Variants in RAB28 observed in about 807,000 individuals in gnomAD.
The protein encoded by RAB28 is ras-related protein Rab-28.
RAB28 carries 24 observed loss-of-function variants against 31.7 expected under a neutral mutation model. The ratio of observed to expected loss-of-function variants is 0.76; its 90% CI spans 0.55 to 1.06. The LOEUF is 1.06. Among genes scored for constraint, RAB28 ranks in the 50% least tolerant of loss-of-function variants. RAB28 has a pLI of 0.00. For missense variants in RAB28, 254 were observed against 258.5 expected, an observed-to-expected ratio of 0.98 and a Z score of 0.12; for synonymous variants, 100 against 90.4, an observed-to-expected ratio of 1.11 and a Z score of -0.60.
chr4:13,401,531 T>TA (rs1176979031), intron 4 of RAB28, among the ~76,000 whole-genome samples: 26 of 152,200 alleles, frequency 1.7e-4, no homozygotes, highest in Middle Eastern at 3.4e-3. Context: ...AAAATAATTT[T>TA]AAAAAAAATT....
In RAB28 at chr4:13,400,304, T is replaced by C. The variant is rs78795000; in HGVS notation, c.392-18710A>G. Reference sequence around the variant, plus strand: ...CTTCTCAGAAGCATATTCTTATTCTTGGATTTTTCATCTTCCCTATACATT... The same window carrying C: ...CTTCTCAGAAGCATATTCTTATTCTCGGATTTTTCATCTTCCCTATACATT... On this transcript the variant is annotated intron_variant, in intron 4 of 6. Coordinates refer to ENST00000330852, the MANE Select transcript of RAB28 (RefSeq NM_001017979.3). 5.6e-4 allele frequency among the ~76,000 whole-genome samples: 86 copies of C among 152,286 alleles called. 1 individual carries two copies. The highest frequency in any genetic ancestry group is 2.1e-3 in the African/African-American group (86 of 41,584).
chr4:13,411,015 T>A (rs1467468557), intron 4 of RAB28, among the ~76,000 whole-genome samples: 1 of 152,030 alleles, frequency 6.6e-6, no homozygotes, highest in Non-Finnish European at 1.5e-5. Flanking sequence ...ACCACAGGCA[T>A]TAATTTAAAA....
At chr4:13,385,924 C>A (rs1213769034) in intron 4 of RAB28, among the ~76,000 whole-genome samples, 1 of 151,944 alleles carries the variant, frequency 6.6e-6, no homozygotes, top group African/African-American at 2.4e-5. Flanking sequence ...TAGAAGAAAA[C>A]AAGAGAAATG....
rs1715288669 is a variant in RAB28, at chr4:13,456,159, AT to A, written c.391+4539del. On this transcript the variant is annotated intron_variant, in intron 4 of 6. Coordinates refer to ENST00000330852, the MANE Select transcript of RAB28 (RefSeq NM_001017979.3). ...TAATACACATAACAGATTCTCAAAAATGTTCAGTGAAAGAATGGCCCTACCC... is the reference window on the plus strand; with the variant it reads ...TAATACACATAACAGATTCTCAAAAAGTTCAGTGAAAGAATGGCCCTACCC... Among the ~76,000 whole-genome samples, 3 of 152,236 alleles carry A rather than the reference AT, an allele frequency of 2.0e-5. No individual in the cohort carries two copies. The South Asian group carries it at 6.2e-4, about 31-fold the overall frequency.
At chr4:13,417,595 C>T (rs866839481) in intron 4 of RAB28, among the ~76,000 whole-genome samples, 1 of 152,156 alleles carries the variant, frequency 6.6e-6, no homozygotes, top group Non-Finnish European at 1.5e-5. Context: ...CTGGTGATAT[C>T]CAAGCAAACA....
At chr4:13,411,100 G>A (rs1712417103) in intron 4 of RAB28, among the ~76,000 whole-genome samples, 1 of 151,914 alleles carries the variant, frequency 6.6e-6, no homozygotes, top group Non-Finnish European at 1.5e-5. Flanking sequence ...CTCAATGAGA[G>A]GGAAAAATAC....
At chr4:13,397,809 C>T (rs935373285) in intron 4 of RAB28, among the ~76,000 whole-genome samples, 3 of 152,130 alleles carry the variant, frequency 2.0e-5, no homozygotes, top group African/African-American at 7.2e-5. Flanking sequence ...TCTAGCAATT[C>T]TCCAGCACTT....
intron 4 of RAB28, among the ~76,000 whole-genome samples, chr4:13,433,138 G>GAAAAA (rs1159582203): frequency 2.9e-5 from 2 of 69,494 alleles, no homozygotes; most frequent in African/African-American, 4.8e-5. Context: ...GCAAATGAAA[G>GAAAAA]AAAAAAAAAA....
At chr4:13,451,469 T>C (rs548462905) in intron 4 of RAB28, among the ~76,000 whole-genome samples, 2 of 151,400 alleles carry the variant, frequency 1.3e-5, no homozygotes, top group East Asian at 3.9e-4. Flanking sequence ...CTTCTATAAT[T>C]TGGTTATTAA....
At chr4:13,408,224 G>T (rs577647366) in intron 4 of RAB28, among the ~76,000 whole-genome samples, 2 of 152,292 alleles carry the variant, frequency 1.3e-5, no homozygotes, top group South Asian at 2.1e-4. Flanking sequence ...AGCACTAAGG[G>T]TTGTTGAATT....
chr4:13,384,842 G>A (rs886453364), intron 4 of RAB28, among the ~76,000 whole-genome samples: 1 of 152,176 alleles, frequency 6.6e-6, no homozygotes, highest in Admixed American at 6.5e-5. Flanking sequence ...TACTTCTCCT[G>A]CAAGGGTTCT....
At chr4:13,456,468 A>C (rs996980814) in intron 4 of RAB28, among the ~76,000 whole-genome samples, 1 of 152,212 alleles carries the variant, frequency 6.6e-6, no homozygotes, top group African/African-American at 2.4e-5. Context: ...TATCTCATTT[A>C]ATCTTTAAAT....
At chr4:13,467,282 A>T (rs1043736205) in intron 3 of RAB28, among the ~76,000 whole-genome samples, 1 of 151,928 alleles carries the variant, frequency 6.6e-6, no homozygotes, top group Non-Finnish European at 1.5e-5. Flanking sequence ...TCTGTACTCC[A>T]TAAATATAAC....
At chr4:13,394,094 A>G (rs1184477890) in intron 4 of RAB28, among the ~76,000 whole-genome samples, 5 of 152,146 alleles carry the variant, frequency 3.3e-5, no homozygotes, top group Non-Finnish European at 5.9e-5. Flanking sequence ...CTGAAAGTGG[A>G]GGAGGCGACC....
chr4:13,370,462 T>C, intron 6 of RAB28: 6 of 766,810 alleles, frequency 7.8e-6, no homozygotes, highest in Non-Finnish European at 9.5e-6. Flanking sequence ...TATTCACAAG[T>C]TGCTGAGGCC....
rs114814117 is a variant in RAB28, at chr4:13,378,578, T to C, written c.496-1956A>G. On this transcript the variant is annotated intron_variant, in intron 5 of 6. Coordinates refer to ENST00000330852, the MANE Select transcript of RAB28 (RefSeq NM_001017979.3). ...TTTTAAGATAAAAGAAGTCATAATA[T>C]TTTCTGTGTTGAAAGAATAATCCAG... 1.1e-3 allele frequency among the ~76,000 whole-genome samples: 171 copies of C among 152,280 alleles called. 1 individual carries two copies. Among genetic ancestry groups the C allele is most frequent in the African/African-American group, 4.1e-3 (169 of 41,556 alleles).
chr4:13,438,857 GCCAAGTTGTTTT>G (rs2108938869), intron 4 of RAB28, among the ~76,000 whole-genome samples: 1 of 152,286 alleles, frequency 6.6e-6, no homozygotes, highest in African/African-American at 2.4e-5. Flanking sequence ...TTGAGGAGCT[GCCAAGTTGTTTT>G]CCACGGCAGC....
chr4:13,373,949 G>C (rs1360597544), intron 6 of RAB28, among the ~76,000 whole-genome samples: 1 of 151,698 alleles, frequency 6.6e-6, no homozygotes, highest in East Asian at 1.9e-4. Context: ...ATATATGTAT[G>C]TATGTATGTA....
At chr4:13,422,438 C>T (rs1713213335) in intron 4 of RAB28, among the ~76,000 whole-genome samples, 1 of 152,176 alleles carries the variant, frequency 6.6e-6, no homozygotes, top group Non-Finnish European at 1.5e-5. Flanking sequence ...ACTATAAAGA[C>T]ACATGCACAC....
Sources: gnomAD v4.1 joint callset for allele counts (sites outside exome capture counted in the v4.1 genomes callset) on GRCh38, gnomAD v4.1.1 for gene constraint, MANE v1.5 for transcripts, NCBI Gene and HGNC (gene_info 2026-07-23, HGNC 2026-07-21) for gene names.